TNPO1: variants seen among roughly 807,000 people sequenced by gnomAD.
The protein encoded by TNPO1 is transportin-1.
In TNPO1, 8 loss-of-function variants were observed where a neutral mutation model predicts 119.5. The ratio of observed to expected loss-of-function variants is 0.07; its 90% CI spans 0.04 to 0.12. The LOEUF is 0.12. Among genes scored for constraint, TNPO1 ranks in the 10% least tolerant of loss-of-function variants. TNPO1 has a pLI of 1.00. For missense variants in TNPO1, 576 were observed against 1,089.8 expected, an observed-to-expected ratio of 0.53 and a Z score of 6.64; for synonymous variants, 362 against 363.0, an observed-to-expected ratio of 1.00 and a Z score of 0.03.
chr5:72,853,440 A>T (rs904325945), intron 3 of TNPO1, among the ~76,000 whole-genome samples: 3 of 152,234 alleles, frequency 2.0e-5, no homozygotes, highest in Non-Finnish European at 4.4e-5. Flanking sequence ...GAAGTACTTA[A>T]AAAAACACAA....
At chr5:72,857,809 G>A (rs1009838644) in intron 4 of TNPO1, among the ~76,000 whole-genome samples, 1 of 152,188 alleles carries the variant, frequency 6.6e-6, no homozygotes, top group East Asian at 1.9e-4. Context: ...TGAAAGGTTA[G>A]AAGTAATAAT....
chr5:72,885,729 T>A (rs1748572577), intron 11 of TNPO1, among the ~76,000 whole-genome samples: 1 of 140,266 alleles, frequency 7.1e-6, no homozygotes. Flanking sequence ...ATGGTTTTGT[T>A]TTGGTTTGGT....
intron 18 of TNPO1, among the ~76,000 whole-genome samples, chr5:72,894,741 A>G (rs1289448113): frequency 6.6e-6 from 1 of 152,210 alleles, no homozygotes; most frequent in Admixed American, 6.5e-5. Context: ...GTCATCTGAT[A>G]TAATTGTGCT....
chr5:72,881,861 T>C (rs1752562814), intron 9 of TNPO1, among the ~76,000 whole-genome samples: 1 of 152,212 alleles, frequency 6.6e-6, no homozygotes, highest in African/African-American at 2.4e-5. Flanking sequence ...CACTCTTAGC[T>C]TCTCCTTGTT....
chr5:72,817,197 G>A (rs1204320393), intron 1 of TNPO1, among the ~76,000 whole-genome samples: 1 of 152,198 alleles, frequency 6.6e-6, no homozygotes, highest in Non-Finnish European at 1.5e-5. Context: ...GTCCCGCCCT[G>A]GGCCCCTCTG....
chr5:72,847,713 A>AT (rs934179142), intron 1 of TNPO1, among the ~76,000 whole-genome samples: 9 of 152,066 alleles, frequency 5.9e-5, no homozygotes, highest in African/African-American at 1.7e-4. Context: ...CAGAAATGCA[A>AT]TTTTTTTTAA....
chr5:72,854,096 A>G (rs935704072), intron 3 of TNPO1, among the ~76,000 whole-genome samples: 1 of 152,266 alleles, frequency 6.6e-6, no homozygotes, highest in African/African-American at 2.4e-5. Context: ...GCCATTTAAA[A>G]TAATTATATG....
chr5:72,865,298 C>T (rs922342633), intron 5 of TNPO1, among the ~76,000 whole-genome samples: 4 of 151,868 alleles, frequency 2.6e-5, no homozygotes, highest in African/African-American at 9.7e-5. Flanking sequence ...AAAACTTAGC[C>T]GGGCACAATG....
Position 72,847,539 on chromosome 5 carries a change from A to T in TNPO1, c.16-846A>T, listed in dbSNP as rs117956688. ...GTTGTAATGAAAATCAAATGAGAAA[A>T]TGTAGTATGTGAAAATACTTTAATG... is the stretch of plus-strand genomic sequence containing the variant. On this transcript the variant is annotated intron_variant, in intron 1 of 24. Transcript: ENST00000337273. Among the ~76,000 whole-genome samples the T allele has an allele frequency of 5.8e-4, 88 of 152,378 alleles. No individual in the cohort carries two copies. The East Asian group carries it at 6.4e-3, about 11-fold the overall frequency.
intron 3 of TNPO1, among the ~76,000 whole-genome samples, chr5:72,851,629 T>C (rs546561858): frequency 3.2e-4 from 49 of 152,262 alleles, no homozygotes; most frequent in Admixed American, 5.9e-4. Context: ...GTAGCCGGGA[T>C]TACAGGCATG....
At position 72,820,446 on chromosome 5, in the gene TNPO1, A is replaced by G. The variant is rs1743904810; in HGVS notation, c.15+3694A>G. ...TTCCTGTTGCTTTGGGATTGGAGGA[A>G]TAGAGAGTGGATTAACGTTTTCCTT... is the stretch of plus-strand genomic sequence containing the variant. On this transcript the variant is annotated intron_variant, in intron 1 of 24. Coordinates refer to ENST00000337273, the MANE Select transcript of TNPO1 (RefSeq NM_002270.4). Among the ~76,000 whole-genome samples, 5 of 152,220 alleles carry G rather than the reference A, an allele frequency of 3.3e-5. No homozygotes were observed. In the South Asian group the frequency reaches 1.0e-3, roughly 31 times the overall value.
At chr5:72,903,055 C>T (rs1203932636) in intron 22 of TNPO1, among the ~76,000 whole-genome samples, 2 of 152,042 alleles carry the variant, frequency 1.3e-5, no homozygotes, top group African/African-American at 4.8e-5. Flanking sequence ...GTATGATAGG[C>T]AAGATTGAGA....
At chr5:72,855,483 A>G (rs1561312530) in intron 3 of TNPO1, among the ~76,000 whole-genome samples, 1 of 152,164 alleles carries the variant, frequency 6.6e-6, no homozygotes, top group East Asian at 1.9e-4. Context: ...ATTTTTGGTT[A>G]ACACAACTTG....
chr5:72,891,442 A>G (rs1302947003), intron 14 of TNPO1, among the ~76,000 whole-genome samples: 1 of 152,092 alleles, frequency 6.6e-6, no homozygotes, highest in African/African-American at 2.4e-5. Context: ...TCTAGCCTGG[A>G]CGACAGAGCA....
In TNPO1 at chr5:72,877,742, C is replaced by T. The variant is rs980956890; in HGVS notation, c.920+396C>T. ...AGAATTTAGTTAACTTAATGTTAAG[C>T]CCATTTTTCTAAAAGTAAAGTAATA... On this transcript the variant is annotated intron_variant, in intron 9 of 24. Coordinates refer to ENST00000337273, the MANE Select transcript of TNPO1 (RefSeq NM_002270.4). Among the ~76,000 whole-genome samples the T allele has an allele frequency of 2.6e-5, 4 of 151,970 alleles. No individual in the cohort carries two copies. In the South Asian group the frequency reaches 8.3e-4, roughly 32 times the overall value.
At chr5:72,882,649 C>G in intron 10 of TNPO1, 122 bp downstream of exon 10, 10 of 645,274 alleles carry the variant, frequency 1.5e-5, no homozygotes, top group Admixed American at 2.7e-5. Flanking sequence ...TCCTATTATC[C>G]ATAATAGGAT....
In TNPO1 at chr5:72,909,726, T is replaced by C. The variant is rs1359596677; in HGVS notation, c.*1053T>C. On this transcript the variant is annotated 3_prime_UTR_variant, in exon 25 of 25. Coordinates refer to ENST00000337273, the MANE Select transcript of TNPO1 (RefSeq NM_002270.4). The stretch of plus-strand genomic sequence containing the variant: ...TTTTAAGATTTGTGGATTTTATTTT[T>C]ATTAAGAACATAGATATATAAAGTA... 6.6e-6 allele frequency: 1 copy of C among 152,626 alleles called. No individual in the cohort carries two copies. Among genetic ancestry groups the C allele is most frequent in the Non-Finnish European group, 1.5e-5 (1 of 68,024 alleles). 9.5% of individuals were successfully genotyped at this position (152,626 alleles called of 1,614,324 possible).
chr5:72,863,003 T>TGA (rs1746586105), intron 5 of TNPO1, among the ~76,000 whole-genome samples: 1 of 150,252 alleles, frequency 6.7e-6, no homozygotes, highest in East Asian at 1.9e-4. Flanking sequence ...TGTGTGTGTG[T>TGA]GTGTGTGTGT....
chr5:72,872,714 T>C lies in TNPO1; in HGVS notation c.672T>C (p.Phe224=), dbSNP rs1379130182. ...TQALMLHIDS[F]IENLFALAGD... ...CTCTAATGTTGCACATTGATTCTTT[T>C]ATTGAGGTAAGACTTGTTCTTGTCT... The change falls in exon 7 of 25, where the codon TTT becomes TTC. Residue 224 remains phenylalanine (F), a synonymous_variant. Coordinates refer to ENST00000337273, the MANE Select transcript of TNPO1 (RefSeq NM_002270.4). 6.2e-6 allele frequency: 10 copies of C among 1,607,454 alleles called. No individual in the cohort carries two copies. Among genetic ancestry groups the C allele is most frequent in the Non-Finnish European group, 8.5e-6 (10 of 1,176,712 alleles).
Sources: allele counts gnomAD v4.1 joint callset (sites outside exome capture counted in the v4.1 genomes callset), GRCh38; gene constraint gnomAD v4.1.1; transcripts MANE v1.5; gene names NCBI Gene and HGNC (gene_info 2026-07-23, HGNC 2026-07-21).